Variants in SCARB1 observed in about 807,000 individuals in gnomAD.
SCARB1 encodes CD36 and LIMPII analogous 1.
Under a neutral mutation model 57.2 loss-of-function variants are expected in SCARB1, and 30 were observed. The ratio of observed to expected loss-of-function variants is 0.52; its 90% CI spans 0.39 to 0.71. SCARB1 has a LOEUF of 0.71. Ranked by LOEUF, SCARB1 falls within the 30% of genes least tolerant of loss-of-function variation. The probability of loss-of-function intolerance (pLI) is 0.00; values close to 1 mark genes in which losing one functional copy is unlikely to be tolerated. For missense variants in SCARB1, 543 were observed against 671.2 expected (o/e 0.81, Z 2.11); for synonymous variants, 249 against 268.3 (o/e 0.93, Z 0.70).
At chr12:124,821,430 G>C in intron 1 of SCARB1, 1 of 985,290 alleles carries the variant, frequency 1.0e-6, no homozygotes, top group Non-Finnish European at 1.2e-6. Flanking sequence ...AGATGAATCA[G>C]GGCTAAACCA....
chr12:124,849,658 T>C (rs1952307351), intron 1 of SCARB1, among the ~76,000 whole-genome samples: 1 of 152,200 alleles, frequency 6.6e-6, no homozygotes, highest in South Asian at 2.1e-4. Context: ...TGAGTAAACC[T>C]CTGCTACCTA....
At chr12:124,816,597 C>T (rs1320331262) in intron 2 of SCARB1, among the ~76,000 whole-genome samples, 1 of 152,192 alleles carries the variant, frequency 6.6e-6, no homozygotes, top group Non-Finnish European at 1.5e-5. Flanking sequence ...AGCGGGAACA[C>T]CCTCTGCCCG....
At chr12:124,793,603 G>C (rs1477929338) in intron 9 of SCARB1, among the ~76,000 whole-genome samples, 2 of 150,498 alleles carry the variant, frequency 1.3e-5, no homozygotes, top group Non-Finnish European at 2.9e-5. Context: ...TGAGGCAGGA[G>C]AATGGCGTGA....
chr12:124,781,481 C>T (rs1426556200), intron 12 of SCARB1, among the ~76,000 whole-genome samples: 5 of 152,112 alleles, frequency 3.3e-5, no homozygotes, highest in African/African-American at 9.7e-5. Flanking sequence ...CAGCTCTGCC[C>T]GTCACCTCCC....
chr12:124,860,578 T>C (rs576591115), intron 1 of SCARB1, among the ~76,000 whole-genome samples: 1 of 152,252 alleles, frequency 6.6e-6, no homozygotes, highest in African/African-American at 2.4e-5. Flanking sequence ...CCATACCTTG[T>C]GGGTGGATGC....
intron 1 of SCARB1, among the ~76,000 whole-genome samples, chr12:124,834,948 G>A (rs375743755): frequency 6.6e-6 from 1 of 152,110 alleles, no homozygotes; most frequent in Non-Finnish European, 1.5e-5. Flanking sequence ...AGCAACATCA[G>A]CATCACTTGG....
chr12:124,795,493 T>G (rs1159126793), intron 8 of SCARB1, among the ~76,000 whole-genome samples: 1 of 152,158 alleles, frequency 6.6e-6, no homozygotes, highest in African/African-American at 2.4e-5. Context: ...TAACCCCTTA[T>G]AGGGAAACAA....
Position 124,795,272 on chromosome 12 carries a change from C to G in SCARB1, c.1129-4G>C. On this transcript the variant is annotated splice_region_variant and splice_polypyrimidine_tract_variant and intron_variant, in intron 8 of 12. Transcript: ENST00000261693. The stretch of plus-strand genomic sequence containing the variant: ...AGTTCATGGGGATTCCCGTGACCTG[C>G]GGCAACAAACACAGTGAGGAGACTG... The G allele has an allele frequency of 6.2e-7, 1 of 1,612,976 alleles. No homozygotes were observed. The highest frequency in any genetic ancestry group is 1.1e-5 in the South Asian group (1 of 91,034).
intron 1 of SCARB1, among the ~76,000 whole-genome samples, chr12:124,834,744 CAA>C (rs1951560902): frequency 6.6e-6 from 1 of 152,092 alleles, no homozygotes; most frequent in Non-Finnish European, 1.5e-5. Context: ...ATCTCTAGAA[CAA>C]AATTTTTTTA....
At chr12:124,805,018 G>A (rs1022961246) in intron 7 of SCARB1, among the ~76,000 whole-genome samples, 20 of 151,792 alleles carry the variant, frequency 1.3e-4, no homozygotes, top group African/African-American at 4.9e-4. Flanking sequence ...ACCAACAAGA[G>A]GAGCTTGGGG....
intron 1 of SCARB1, among the ~76,000 whole-genome samples, chr12:124,857,415 G>A (rs1370542258): frequency 2.0e-5 from 3 of 152,178 alleles, no homozygotes; most frequent in Non-Finnish European, 2.9e-5. Context: ...ACAAACTCAG[G>A]GACAGCCGGT....
rs368308238 is a variant in SCARB1, at chr12:124,817,776, C to T, written c.127-69G>A. 7.6e-5 allele frequency: 119 copies of T among 1,565,848 alleles called. No individual in the cohort carries two copies. Among genetic ancestry groups the T allele is most frequent in the Non-Finnish European group, 9.7e-5 (110 of 1,136,870 alleles). On this transcript the variant is annotated intron_variant, in intron 1 of 12. Coordinates refer to ENST00000261693, the MANE Select transcript of SCARB1 (RefSeq NM_005505.5). The surrounding 1 kb of genome is among the most constrained non-coding windows in gnomAD (Gnocchi z 4.8). ...GGCCCCACGCCCCACCACAAGGCTC[C>T]GGAACAGCTGCCCGAGCCCGGCCAG...
In SCARB1 at chr12:124,781,057, C is replaced by G. The variant is rs533780106; in HGVS notation, c.*1626G>C. On this transcript the variant is annotated intron_variant, in intron 12 of 12. Coordinates refer to ENST00000261693, the MANE Select transcript of SCARB1 (RefSeq NM_005505.5). Reference sequence around the variant, plus strand: ...TGCCCCCAAGCCTGGGGACCCTGTCCCAGGGAGGATCCTCTCCTAATATTA... The same window carrying G: ...TGCCCCCAAGCCTGGGGACCCTGTCGCAGGGAGGATCCTCTCCTAATATTA... Among the ~76,000 whole-genome samples the G allele has an allele frequency of 7.2e-5, 11 of 152,272 alleles. No individual in the cohort carries two copies. In the South Asian group the frequency reaches 1.4e-3, roughly 20 times the overall value.
intron 1 of SCARB1, among the ~76,000 whole-genome samples, chr12:124,828,301 C>A (rs1566213044): frequency 6.6e-6 from 1 of 152,058 alleles, no homozygotes; most frequent in East Asian, 1.9e-4. Context: ...AAACCTAACA[C>A]CCCGCTCGCC....
At chr12:124,811,005 ACAGT>A (rs923840070) in intron 5 of SCARB1, among the ~76,000 whole-genome samples, 1 of 152,216 alleles carries the variant, frequency 6.6e-6, no homozygotes, top group Non-Finnish European at 1.5e-5. Flanking sequence ...GGGAAGTCAC[ACAGT>A]CATTTTCACA....
intron 9 of SCARB1, among the ~76,000 whole-genome samples, chr12:124,788,203 G>T (rs1949591776): frequency 6.6e-6 from 1 of 152,114 alleles, no homozygotes; most frequent in Non-Finnish European, 1.5e-5. Context: ...CTGGCAAAGA[G>T]CTTGACAACT....
intron 6 of SCARB1, among the ~76,000 whole-genome samples, 159 bp from the exon 7 acceptor site, chr12:124,808,086 T>A (rs768125104): frequency 3.9e-5 from 6 of 152,072 alleles, no homozygotes; most frequent in Non-Finnish European, 7.4e-5. Flanking sequence ...TGCAGCGACC[T>A]CCTAACAGGC....
chr12:124,835,458 T>C (rs1011373467), intron 1 of SCARB1, among the ~76,000 whole-genome samples: 6 of 152,030 alleles, frequency 3.9e-5, no homozygotes, highest in Non-Finnish European at 5.9e-5. Context: ...TTATTTTTTG[T>C]AGGGGTCTCG....
At chr12:124,779,491 G>A (rs1216387056) in intron 12 of SCARB1, among the ~76,000 whole-genome samples, 6 of 152,154 alleles carry the variant, frequency 3.9e-5, no homozygotes, top group East Asian at 1.9e-4. Context: ...GGAGGGGGAC[G>A]AGGGCCACCC....
Sources: allele counts gnomAD v4.1 joint callset (sites outside exome capture counted in the v4.1 genomes callset), GRCh38; gene constraint gnomAD v4.1.1; non-coding constraint Gnocchi (gnomAD v3.1); transcripts MANE v1.5; gene names NCBI Gene and HGNC (gene_info 2026-07-23, HGNC 2026-07-21).